The following OLA1 variants were observed in gnomAD, a reference collection of about 807,000 sequenced individuals.
The protein encoded by OLA1 is Obg like ATPase 1.
OLA1 carries 14 observed loss-of-function variants against 48.4 expected under a neutral mutation model. The ratio of observed to expected loss-of-function variants is 0.29; its 90% CI spans 0.19 to 0.45. The LOEUF (loss-of-function observed/expected upper bound fraction) is 0.45, where lower values mean the gene tolerates loss of function less well. OLA1 is among the 20% of genes least tolerant of loss of function. OLA1 has a pLI of 1.00. For synonymous variants in OLA1, 127 were observed against 150.4 expected, an observed-to-expected ratio of 0.84 and a Z score of 1.14; for missense variants, 325 against 467.1, an observed-to-expected ratio of 0.70 and a Z score of 2.80.
chr2:174,168,192 G>A (rs772552221), intron 4 of OLA1, among the ~76,000 whole-genome samples: 22 of 152,172 alleles, frequency 1.4e-4, no homozygotes, highest in Admixed American at 2.6e-4. Flanking sequence ...AAACTGTAGC[G>A]ATGGAAGAAT....
intron 4 of OLA1, among the ~76,000 whole-genome samples, chr2:174,165,577 C>T (rs1208437625): frequency 6.6e-6 from 1 of 152,180 alleles, no homozygotes; most frequent in Non-Finnish European, 1.5e-5. Flanking sequence ...GGAGAGTCCA[C>T]GCCAAAGAAA....
intron 4 of OLA1, among the ~76,000 whole-genome samples, chr2:174,173,556 G>T (rs1476517542): frequency 6.6e-6 from 1 of 151,876 alleles, no homozygotes; most frequent in African/African-American, 2.4e-5. Flanking sequence ...TTTACAACTT[G>T]ATTTTTTTTA....
intron 4 of OLA1, among the ~76,000 whole-genome samples, chr2:174,194,321 T>G (rs1687837217): frequency 6.6e-6 from 1 of 152,314 alleles, no homozygotes; most frequent in Admixed American, 6.5e-5. Flanking sequence ...AAATTCTTGC[T>G]GGCCTGGACT....
chr2:174,175,147 T>G (rs1687391932), intron 4 of OLA1, among the ~76,000 whole-genome samples: 2 of 151,948 alleles, frequency 1.3e-5, no homozygotes, highest in South Asian at 4.1e-4. Flanking sequence ...CTAAAGTTAT[T>G]TAAAATTAAA....
intron 4 of OLA1, among the ~76,000 whole-genome samples, chr2:174,150,291 C>CA (rs2105387696): frequency 6.6e-6 from 1 of 152,298 alleles, no homozygotes; most frequent in African/African-American, 2.4e-5. Flanking sequence ...GCTCCACCAC[C>CA]ATATGATGGC....
At chr2:174,188,948 T>C (rs901707095) in intron 4 of OLA1, among the ~76,000 whole-genome samples, 1 of 152,262 alleles carries the variant, frequency 6.6e-6, no homozygotes, top group South Asian at 2.1e-4. Context: ...ATAAGAGATA[T>C]TCACCTTATA....
chr2:174,152,143 A>T (rs1285866398), intron 4 of OLA1, among the ~76,000 whole-genome samples: 1 of 152,242 alleles, frequency 6.6e-6, no homozygotes, highest in Non-Finnish European at 1.5e-5. Context: ...GCAGTGGCTC[A>T]CGCCTGTAAT....
At chr2:174,150,175 GC>G (rs1271673426) in intron 4 of OLA1, among the ~76,000 whole-genome samples, 1 of 152,186 alleles carries the variant, frequency 6.6e-6, no homozygotes, top group African/African-American at 2.4e-5. Flanking sequence ...TGAGGGCTCT[GC>G]CCCCACAATG....
At chr2:174,187,137 A>G (rs1687675448) in intron 4 of OLA1, among the ~76,000 whole-genome samples, 1 of 152,208 alleles carries the variant, frequency 6.6e-6, no homozygotes, top group Non-Finnish European at 1.5e-5. Context: ...GAAATTTAAG[A>G]CACTCTATTC....
intron 4 of OLA1, among the ~76,000 whole-genome samples, chr2:174,213,455 A>C (rs1464442933): frequency 6.6e-6 from 1 of 152,214 alleles, no homozygotes; most frequent in Non-Finnish European, 1.5e-5. Context: ...AGCTTTAAAA[A>C]GTTAAGAATC....
At chr2:174,081,807 A>G (rs747153886) in intron 8 of OLA1, 117 bp downstream of exon 8, 22 of 987,052 alleles carry the variant, frequency 2.2e-5, no homozygotes, top group Non-Finnish European at 3.2e-5. Context: ...AAAGGAGAAG[A>G]TTCCCTCTTT....
At chr2:174,230,941 TG>T (rs1441246341) in intron 2 of OLA1, among the ~76,000 whole-genome samples, 2 of 152,208 alleles carry the variant, frequency 1.3e-5, no homozygotes, top group Non-Finnish European at 2.9e-5. Flanking sequence ...ACTTTTACCC[TG>T]GGGACCTGTG....
chr2:174,091,924 T>G (rs920259515), intron 7 of OLA1, among the ~76,000 whole-genome samples: 2 of 136,144 alleles, frequency 1.5e-5, no homozygotes, highest in African/African-American at 5.4e-5. Context: ...CCCTTCTCAT[T>G]TTCTGCCAAT....
intron 4 of OLA1, among the ~76,000 whole-genome samples, chr2:174,157,320 A>G (rs16862439): frequency 0.11 from 16,635 of 152,158 alleles, 2,156 homozygotes; most frequent in East Asian, 0.7. Flanking sequence ...AGATCAGCAT[A>G]TAATAAAAAC....
At chr2:174,204,605 A>G (rs1051610700) in intron 4 of OLA1, among the ~76,000 whole-genome samples, 2 of 152,264 alleles carry the variant, frequency 1.3e-5, no homozygotes, top group East Asian at 3.9e-4. Flanking sequence ...ATAACTGAAA[A>G]CATCCAGCTG....
intron 4 of OLA1, among the ~76,000 whole-genome samples, chr2:174,202,851 G>T (rs1344818013): frequency 6.6e-6 from 1 of 152,064 alleles, no homozygotes; most frequent in Non-Finnish European, 1.5e-5. Context: ...TCAATCAACT[G>T]TTTATGTCAT....
intron 4 of OLA1, among the ~76,000 whole-genome samples, chr2:174,146,941 T>C (rs1246918088): frequency 6.6e-6 from 1 of 152,184 alleles, no homozygotes; most frequent in Non-Finnish European, 1.5e-5. Context: ...TTAGAAATCA[T>C]AGCCACTTTC....
intron 3 of OLA1, among the ~76,000 whole-genome samples, chr2:174,226,680 G>A (rs1180028800): frequency 6.6e-6 from 1 of 152,078 alleles, no homozygotes; most frequent in Non-Finnish European, 1.5e-5. Flanking sequence ...TGTATTTTTA[G>A]TAGAAATGGG....
intron 4 of OLA1, among the ~76,000 whole-genome samples, chr2:174,157,014 T>C (rs1490628172): frequency 1.6e-5 from 2 of 125,036 alleles, no homozygotes; most frequent in Non-Finnish European, 1.8e-5. Context: ...TGGTCAAATC[T>C]AAAAAAAAAA....
Sources: gnomAD v4.1 joint callset for allele counts (sites outside exome capture counted in the v4.1 genomes callset) on GRCh38, gnomAD v4.1.1 for gene constraint, MANE v1.5 for transcripts, NCBI Gene and HGNC (gene_info 2026-07-23, HGNC 2026-07-21) for gene names.